The following MLLT1 variants were observed in gnomAD, a reference collection of about 807,000 sequenced individuals.
MLLT1 encodes the protein MLLT1 super elongation complex subunit, also known as protein ENL.
In MLLT1, 11 loss-of-function variants were observed where a neutral mutation model predicts 55.1. That is an observed-to-expected ratio of 0.20 (90% confidence interval 0.13 to 0.33). The LOEUF is 0.33. Among genes scored for constraint, MLLT1 ranks in the 10% least tolerant of loss-of-function variants. The probability of loss-of-function intolerance (pLI) is 1.00; values close to 1 mark genes in which losing one functional copy is unlikely to be tolerated. For synonymous variants in MLLT1, 323 were observed against 320.1 expected, an observed-to-expected ratio of 1.01 and a Z score of -0.10; for missense variants, 536 against 760.6, an observed-to-expected ratio of 0.70 and a Z score of 3.47.
rs537611584 is a variant in MLLT1 at position 6,222,856 on chromosome 19, A to G, written c.547-172T>C. ...GTAAGGCAGTAGGTGAGAGTTTTACATGGAGCTGTCCCTTTAAACTACTAG... is the reference window on the plus strand; with the variant it reads ...GTAAGGCAGTAGGTGAGAGTTTTACGTGGAGCTGTCCCTTTAAACTACTAG... On this transcript the variant is annotated intron_variant, in intron 5 of 11. Coordinates refer to ENST00000252674, the MANE Select transcript of MLLT1 (RefSeq NM_005934.4). The surrounding 1 kb of genome is among the most constrained non-coding windows in gnomAD (Gnocchi z 4.1). Among the ~76,000 whole-genome samples, 1 of 152,314 alleles carries G rather than the reference A, an allele frequency of 6.6e-6. No individual in the cohort carries two copies. Among genetic ancestry groups the G allele is most frequent in the Non-Finnish European group, 1.5e-5 (1 of 68,020 alleles).
rs935626062 is a variant in MLLT1 at position 6,212,021 on chromosome 19, G to T, written c.*1021C>A. On this transcript the variant is annotated 3_prime_UTR_variant, in exon 12 of 12. Coordinates refer to ENST00000252674, the MANE Select transcript of MLLT1 (RefSeq NM_005934.4). ...GCTGACCAGAGTTCAATGCGCCTCA[G>T]AAAACTCCATAAACTATCCCGTCTT... 5.6e-6 allele frequency: 6 copies of T among 1,065,762 alleles called. No homozygotes were observed. In the African/African-American group the frequency reaches 9.8e-5, roughly 17 times the overall value. The allele number at this position is 1,065,762 out of a possible 1,614,324, so 66.0% of individuals were successfully genotyped here.
rs752142575 is a variant in MLLT1 at position 6,219,742 on chromosome 19, G to A, written c.1111-1701C>T. Among the ~76,000 whole-genome samples the A allele has an allele frequency of 3.3e-5, 5 of 152,206 alleles. No individual in the cohort carries two copies. The highest frequency in any genetic ancestry group is 7.3e-5 in the Non-Finnish European group (5 of 68,048). On this transcript the variant is annotated intron_variant, in intron 6 of 11. Transcript: ENST00000252674. The surrounding 1 kb of genome is among the most constrained non-coding windows in gnomAD (Gnocchi z 4.5). ...CACTTTCTCACTAAAGGTGGAGAGG[G>A]GGCAGTTCAGGCGGCCAAAGGAGGC... is the stretch of plus-strand genomic sequence containing the variant.
At chr19:6,261,107 C>G (rs2091300976) in intron 3 of MLLT1, among the ~76,000 whole-genome samples, 1 of 152,198 alleles carries the variant, frequency 6.6e-6, no homozygotes, top group Admixed American at 6.5e-5. Context: ...GACTGGGAGC[C>G]CGGGCACACA....
intron 5 of MLLT1, among the ~76,000 whole-genome samples, chr19:6,224,769 G>A (rs12980100): frequency 0.35 from 52,577 of 152,072 alleles, 10,916 homozygotes; most frequent in African/African-American, 0.58. Flanking sequence ...TTGTTATGTC[G>A]CCCAGGCTGG....
At chr19:6,268,072 C>T (rs1400129847) in intron 2 of MLLT1, among the ~76,000 whole-genome samples, 3 of 152,134 alleles carry the variant, frequency 2.0e-5, no homozygotes, top group African/African-American at 4.8e-5. Context: ...TAAGATGGTG[C>T]TAAGGAGAAA....
At position 6,234,344 on chromosome 19, in the gene MLLT1, G is replaced by A. The variant is rs577981226; in HGVS notation, c.277-3631C>T. Among the ~76,000 whole-genome samples, 5 of 152,350 alleles carry A rather than the reference G, an allele frequency of 3.3e-5. No individual in the cohort carries two copies. In the South Asian group the frequency reaches 1.0e-3, roughly 32 times the overall value. ...AGGTGGAGGAGGGTTTTCAGCTCAG[G>A]AACAACGGTCACATCCATGTCTCAG... On this transcript the variant is annotated intron_variant, in intron 3 of 11. Transcript: ENST00000252674.
intron 5 of MLLT1, among the ~76,000 whole-genome samples, chr19:6,223,776 T>A (rs962200414): frequency 1.3e-5 from 2 of 152,036 alleles, no homozygotes; most frequent in Non-Finnish European, 2.9e-5. Context: ...CGCCTTCACC[T>A]TCCCTACAGA....
At chr19:6,220,118 C>T (rs1023065905) in intron 6 of MLLT1, among the ~76,000 whole-genome samples, 9 of 152,244 alleles carry the variant, frequency 5.9e-5, no homozygotes, top group African/African-American at 2.2e-4. Context: ...AAGAGTGGCC[C>T]TACGAGGGTG....
At chr19:6,247,730 C>A (rs2091181460) in intron 3 of MLLT1, among the ~76,000 whole-genome samples, 2 of 152,236 alleles carry the variant, frequency 1.3e-5, no homozygotes, top group South Asian at 4.1e-4. Context: ...GATTTCAGAT[C>A]TTTTTTTGGA....
At chr19:6,238,195 T>C (rs2144892364) in intron 3 of MLLT1, among the ~76,000 whole-genome samples, 1 of 152,328 alleles carries the variant, frequency 6.6e-6, no homozygotes, top group African/African-American at 2.4e-5. Flanking sequence ...ACACAGAGCT[T>C]CCCTCAGTTT....
intron 8 of MLLT1, among the ~76,000 whole-genome samples, chr19:6,214,407 C>T (rs1201856666): frequency 6.6e-6 from 1 of 152,194 alleles, no homozygotes; most frequent in Non-Finnish European, 1.5e-5. Flanking sequence ...CTGCCCTCTT[C>T]TCCCAGCACT....
chr19:6,267,346 C>CTCTTG (rs2091356734), intron 2 of MLLT1, among the ~76,000 whole-genome samples: 1 of 151,490 alleles, frequency 6.6e-6, no homozygotes, highest in Non-Finnish European at 1.5e-5. Flanking sequence ...TCAGGTGATC[C>CTCTTG]ACCCGTCTCG....
Position 6,211,789 on chromosome 19 carries a change from C to G in MLLT1, c.*1253G>C. The G allele has an allele frequency of 1.9e-6, 2 of 1,064,242 alleles. No homozygotes were observed. Among genetic ancestry groups the G allele is most frequent in the Non-Finnish European group, 2.3e-6 (2 of 878,548 alleles). 65.9% of individuals were successfully genotyped at this position (1,064,242 alleles called of 1,614,324 possible). On this transcript the variant is annotated 3_prime_UTR_variant, in exon 12 of 12. Transcript: ENST00000252674. The surrounding 1 kb of genome is among the most constrained non-coding windows in gnomAD (Gnocchi z 4.6). ...CTGGCTCCGCGGGAGCGTCCTGGCC[C>G]TGGAAGAGTGGGCCGGGAAGGAGGA...
intron 10 of MLLT1, 130 bp from the exon 11 acceptor site, chr19:6,213,538 G>T: frequency 9.9e-7 from 1 of 1,014,754 alleles, no homozygotes; most frequent in Non-Finnish European, 1.5e-6. Flanking sequence ...ACCAAGGAAG[G>T]CCCAAGGCTG....
intron 1 of MLLT1, among the ~76,000 whole-genome samples, chr19:6,271,863 C>T (rs977347121): frequency 1.3e-5 from 2 of 152,262 alleles, no homozygotes; most frequent in African/African-American, 2.4e-5. Context: ...CTCCCATCTG[C>T]GCCTTTCCAC....
intron 2 of MLLT1, among the ~76,000 whole-genome samples, chr19:6,268,816 G>T (rs1225564872): frequency 6.6e-6 from 1 of 152,076 alleles, no homozygotes; most frequent in Admixed American, 6.6e-5. Flanking sequence ...AGACAAGCCT[G>T]GGCAACACGA....
rs1228413401 is a variant in MLLT1, at chr19:6,276,858, C to A, written c.12+2915G>T. Among the ~76,000 whole-genome samples the A allele has an allele frequency of 2.6e-5, 4 of 152,126 alleles. No individual in the cohort carries two copies. In the South Asian group the frequency reaches 8.3e-4, roughly 32 times the overall value. On this transcript the variant is annotated intron_variant, in intron 1 of 11. Transcript: ENST00000252674. ...GAGAACCAGAAAGGCATTTTCCTGG[C>A]CATAAGGAAAAGATGTCAATGCTGA...
intron 8 of MLLT1, among the ~76,000 whole-genome samples, chr19:6,215,616 C>G (rs999346053): frequency 3.9e-5 from 6 of 152,218 alleles, no homozygotes; most frequent in African/African-American, 1.4e-4. Context: ...AACAACACAC[C>G]TGCAGGCGTC....
chr19:6,265,038 C>CAAAAAAAAAAAAAA (rs928827048), intron 2 of MLLT1, among the ~76,000 whole-genome samples: 10 of 21,204 alleles, frequency 4.7e-4, no homozygotes, highest in South Asian at 1.5e-3. Context: ...TAGTGAACAG[C>CAAAAAAAAAAAAAA]AAAAAAAAAA....
Sources: gnomAD v4.1 joint callset for allele counts (sites outside exome capture counted in the v4.1 genomes callset) on GRCh38, gnomAD v4.1.1 for gene constraint, Gnocchi (gnomAD v3.1) non-coding constraint, MANE v1.5 for transcripts, NCBI Gene and HGNC (gene_info 2026-07-23, HGNC 2026-07-21) for gene names.